The following S100A13 variants were observed in gnomAD, a reference collection of about 807,000 sequenced individuals.
S100A13 encodes the protein protein S100-A13.
In S100A13, 6 loss-of-function variants were observed where a neutral mutation model predicts 8.2. The observed-to-expected ratio is 0.73, with a 90% CI of 0.40 to 1.44. S100A13 has a LOEUF of 1.44. Ranked by LOEUF, S100A13 falls within the 40% of genes most tolerant of loss-of-function variation. S100A13 has a pLI of 0.02. For missense variants in S100A13, 114 were observed against 113.6 expected (o/e 1.00, Z -0.02); for synonymous variants, 39 against 45.9 (o/e 0.85, Z 0.61).
intron 2 of S100A13, among the ~76,000 whole-genome samples, chr1:153,619,884 G>A (rs1337487035): frequency 2.0e-5 from 3 of 152,140 alleles, no homozygotes; most frequent in Non-Finnish European, 2.9e-5. Context: ...TTACAACCAC[G>A]TTTAATTATA....
upstream of S100A13, chr1:153,628,203 T>C: frequency 6.5e-7 from 1 of 1,549,446 alleles, no homozygotes; most frequent in South Asian, 1.2e-5. Context: ...CAGGACCTCC[T>C]TCCCACCTCT....
intron 2 of S100A13, among the ~76,000 whole-genome samples, chr1:153,623,344 G>A (rs894446927): frequency 6.5e-4 from 99 of 151,974 alleles, no homozygotes; most frequent in African/African-American, 2.2e-3. Flanking sequence ...ATTTCGGGGA[G>A]GGAGCACATA....
chr1:153,623,345 G>C (rs1170258179), intron 2 of S100A13, among the ~76,000 whole-genome samples: 1 of 151,934 alleles, frequency 6.6e-6, no homozygotes, highest in Non-Finnish European at 1.5e-5. Flanking sequence ...TTTCGGGGAG[G>C]GAGCACATAC....
chr1:153,632,647 G>A (rs770892548), upstream of S100A13, among the ~76,000 whole-genome samples: 4 of 152,054 alleles, frequency 2.6e-5, no homozygotes, highest in Non-Finnish European at 4.4e-5. Flanking sequence ...TGAGGCTCCA[G>A]CATTAAGCAA....
chr1:153,628,574 G>A, upstream of S100A13: 1 of 1,533,958 alleles, frequency 6.5e-7, no homozygotes, highest in South Asian at 1.2e-5. Context: ...GCTCCAAGAG[G>A]CTGGGGACCA....
At chr1:153,631,855 T>A (rs769881040), upstream of S100A13, 18 of 1,612,178 alleles carry the variant, frequency 1.1e-5, no homozygotes, top group African/African-American at 2.1e-4. Context: ...GACAGCCACA[T>A]TGGGCAGCGC....
upstream of S100A13, chr1:153,628,666 AG>A: frequency 1.7e-6 from 2 of 1,178,032 alleles, no homozygotes; most frequent in Non-Finnish European, 2.3e-6. Flanking sequence ...AGGGTTTGGA[AG>A]GTGGTGATGA....
At chr1:153,627,792 T>C (rs1667758832), upstream of S100A13, 1 of 467,498 alleles carries the variant, frequency 2.1e-6, no homozygotes, top group Non-Finnish European at 3.9e-6. Context: ...CCATGTCTAA[T>C]CAGGAGTGTG....
upstream of S100A13, chr1:153,627,971 A>G: frequency 1.4e-6 from 2 of 1,473,106 alleles, no homozygotes; most frequent in East Asian, 4.9e-5. Flanking sequence ...AGGGGGATCC[A>G]GGTTGAGACC....
upstream of S100A13, chr1:153,631,293 C>T (rs1667996406): frequency 4.5e-6 from 3 of 670,458 alleles, no homozygotes; most frequent in Non-Finnish European, 7.4e-6. Context: ...GGTTCAAATT[C>T]CAGCCCTGCT....
At chr1:153,628,580 G>A (rs879244382), upstream of S100A13, 1 of 1,529,754 alleles carries the variant, frequency 6.5e-7, no homozygotes, top group East Asian at 2.5e-5. Context: ...AGAGGCTGGG[G>A]ACCATAGCAC....
chr1:153,622,071 C>A (rs919627462), intron 2 of S100A13, among the ~76,000 whole-genome samples: 2 of 151,258 alleles, frequency 1.3e-5, no homozygotes, highest in African/African-American at 2.5e-5. Context: ...TTGGTAATCA[C>A]AAAAATTAAA....
intron 2 of S100A13, among the ~76,000 whole-genome samples, chr1:153,623,511 A>T (rs2101578895): frequency 6.6e-6 from 1 of 151,962 alleles, no homozygotes; most frequent in South Asian, 2.1e-4. Context: ...TCAGCCTCCC[A>T]AGTAGCTGGG....
chr1:153,625,289 G>A (rs1667542074), intron 2 of S100A13, among the ~76,000 whole-genome samples: 1 of 152,194 alleles, frequency 6.6e-6, no homozygotes, highest in South Asian at 2.1e-4. Flanking sequence ...AAGACCATGA[G>A]TTTCAGAGAC....
intron 2 of S100A13, among the ~76,000 whole-genome samples, chr1:153,622,168 G>A (rs9728059): frequency 0.089 from 13,546 of 151,426 alleles, 954 homozygotes; most frequent in African/African-American, 0.2. Flanking sequence ...TCAGGAGTGC[G>A]AGACCAGCCT....
chr1:153,622,046 T>C (rs1259410958), intron 2 of S100A13, among the ~76,000 whole-genome samples: 1 of 151,760 alleles, frequency 6.6e-6, no homozygotes, highest in African/African-American at 2.4e-5. Context: ...TGGTACAACT[T>C]TTTTAGGAGG....
upstream of S100A13, chr1:153,633,296 G>C (rs1194864405): frequency 6.6e-6 from 1 of 152,218 alleles, no homozygotes; most frequent in African/African-American, 2.4e-5. Flanking sequence ...GCAGTGATCC[G>C]TGATTCATTG....
intron 1 of S100A13, chr1:153,627,192 C>G (rs1038947109): frequency 4.6e-5 from 7 of 152,466 alleles, no homozygotes; most frequent in African/African-American, 1.7e-4. Context: ...CACAGATCCT[C>G]CCCGCTCCTG....
chr1:153,630,842 C>G (rs1667971832), upstream of S100A13, among the ~76,000 whole-genome samples: 1 of 152,224 alleles, frequency 6.6e-6, no homozygotes, highest in South Asian at 2.1e-4. Context: ...AGTCAAAATG[C>G]CCTGGTTTAT....
Sources: gnomAD v4.1 joint callset for allele counts (sites outside exome capture counted in the v4.1 genomes callset) on GRCh38, gnomAD v4.1.1 for gene constraint, MANE v1.5 for transcripts, NCBI Gene and HGNC (gene_info 2026-07-23, HGNC 2026-07-21) for gene names.